The following MAK variants were observed in gnomAD, a reference collection of about 807,000 sequenced individuals.
MAK encodes the protein male germ cell associated kinase.
Under a neutral mutation model 82.6 loss-of-function variants are expected in MAK, and 65 were observed. The ratio of observed to expected loss-of-function variants is 0.79; its 90% CI spans 0.64 to 0.97. The LOEUF (loss-of-function observed/expected upper bound fraction) is 0.97. Among genes scored for constraint, MAK ranks in the 50% least tolerant of loss-of-function variants. The pLI, the probability that MAK is intolerant of heterozygous loss-of-function variation, is 0.00. For synonymous variants in MAK, 250 were observed against 274.2 expected, an observed-to-expected ratio of 0.91 and a Z score of 0.87; for missense variants, 703 against 780.2, an observed-to-expected ratio of 0.90 and a Z score of 1.18.
intron 10 of MAK, among the ~76,000 whole-genome samples, chr6:10,789,813 A>G (rs867651010): frequency 4.6e-5 from 7 of 151,926 alleles, no homozygotes; most frequent in Middle Eastern, 6.8e-3. Flanking sequence ...CCGCCACCAC[A>G]CCCAGCTAAT....
At chr6:10,828,771 G>C (rs1778561083) in intron 2 of MAK, among the ~76,000 whole-genome samples, 2 of 152,092 alleles carry the variant, frequency 1.3e-5, no homozygotes, top group Admixed American at 1.3e-4. Flanking sequence ...CCTCAGCCTG[G>C]GCGACAGAAT....
intron 5 of MAK, among the ~76,000 whole-genome samples, chr6:10,809,642 T>A (rs969566724): frequency 6.6e-6 from 1 of 152,228 alleles, no homozygotes; most frequent in Non-Finnish European, 1.5e-5. Context: ...ACTCCACACA[T>A]CAGAACTAAT....
intron 4 of MAK, among the ~76,000 whole-genome samples, chr6:10,813,974 T>A (rs1349098521): frequency 1.3e-5 from 2 of 152,188 alleles, no homozygotes; most frequent in African/African-American, 2.4e-5. Flanking sequence ...AGCTAATTTT[T>A]TTTTTTCTTT....
intron 6 of MAK, among the ~76,000 whole-genome samples, chr6:10,806,460 C>G (rs1776464011): frequency 6.6e-6 from 1 of 151,220 alleles, no homozygotes; most frequent in Admixed American, 6.6e-5. Flanking sequence ...TCCCAAGTAG[C>G]TGGGACTAGC....
At chr6:10,792,986 GAAC>G (rs1203847729) in intron 9 of MAK, among the ~76,000 whole-genome samples, 1 of 152,122 alleles carries the variant, frequency 6.6e-6, no homozygotes, top group African/African-American at 2.4e-5. Flanking sequence ...GAACACTGCT[GAAC>G]AATATCAGTG....
At chr6:10,774,595 A>G (rs1464941980) in intron 12 of MAK, among the ~76,000 whole-genome samples, 1 of 152,194 alleles carries the variant, frequency 6.6e-6, no homozygotes, top group Non-Finnish European at 1.5e-5. Context: ...AAATTCATAT[A>G]CTGATCTCAT....
At chr6:10,833,809 C>T (rs1778979609) in intron 1 of MAK, among the ~76,000 whole-genome samples, 1 of 151,994 alleles carries the variant, frequency 6.6e-6, no homozygotes, top group African/African-American at 2.4e-5. Flanking sequence ...TCAGATTAAG[C>T]CCGAGCTAAT....
chr6:10,766,222 A>G (rs899213157), intron 14 of MAK, among the ~76,000 whole-genome samples: 3 of 152,332 alleles, frequency 2.0e-5, no homozygotes, highest in Admixed American at 2.0e-4. Context: ...AGCCCTAGCT[A>G]TCCCATATTT....
At chr6:10,799,649 G>A (rs182218871) in intron 8 of MAK, among the ~76,000 whole-genome samples, 11 of 152,086 alleles carry the variant, frequency 7.2e-5, no homozygotes, top group South Asian at 2.1e-4. Flanking sequence ...ACACTTAAAC[G>A]GCTGGGCACA....
At position 10,828,081 on chromosome 6, in the gene MAK, T is replaced by G. The variant is rs1006300178; in HGVS notation, c.101+2467A>C. On this transcript the variant is annotated intron_variant, in intron 2 of 14. Coordinates refer to ENST00000354489, the MANE Select transcript of MAK (RefSeq NM_001242957.3). ...AATTTTATTAAGCCTATTCAATTTATTTTTCATTTCCATTATTGTATATTA... is the reference window on the plus strand; with the variant it reads ...AATTTTATTAAGCCTATTCAATTTAGTTTTCATTTCCATTATTGTATATTA... 5.9e-5 allele frequency among the ~76,000 whole-genome samples: 9 copies of G among 152,240 alleles called. No homozygotes were observed. The South Asian group carries it at 8.3e-4, about 14-fold the overall frequency.
Position 10,764,478 on chromosome 6 carries a change from C to T in MAK, c.1921G>A (p.Val641Met), listed in dbSNP as rs567613995. Residue 641 changes from valine (V) to methionine (M), a missense_variant, in exon 15 of 15, where the codon GTG (valine) becomes ATG (methionine). Val to Met is a conservative substitution (Grantham distance 21). Coordinates refer to ENST00000354489, the MANE Select transcript of MAK (RefSeq NM_001242957.3). Reference protein sequence around the residue: ...IPSVHGRTDWVAKYGGHR With the variant: ...IPSVHGRTDWMAKYGGHR The stretch of plus-strand genomic sequence containing the variant: ...TACCGGTGGCCTCCATACTTGGCCA[C>T]CCAGTCTGTCCTCCCATGCACTGAG... 6.2e-7 allele frequency: 1 copy of T among 1,614,046 alleles called. No homozygotes were observed. Among genetic ancestry groups the T allele is most frequent in the South Asian group, 1.1e-5 (1 of 91,080 alleles).
Position 10,791,862 on chromosome 6 carries a change from C to G in MAK, c.1144-15G>C. On this transcript the variant is annotated splice_polypyrimidine_tract_variant and intron_variant, in intron 9 of 14. Transcript: ENST00000354489. Reference sequence around the variant, plus strand: ...CCATTTGGCTTCTGTGGTGGAAAATCAGTCATCATAATCTTTAATCATGTA... The same window carrying G: ...CCATTTGGCTTCTGTGGTGGAAAATGAGTCATCATAATCTTTAATCATGTA... The G allele has an allele frequency of 6.2e-7, 1 of 1,614,016 alleles. No homozygotes were observed. The highest frequency in any genetic ancestry group is 1.1e-5 in the South Asian group (1 of 91,082).
intron 9 of MAK, among the ~76,000 whole-genome samples, chr6:10,794,233 C>A (rs1775320893): frequency 6.6e-6 from 1 of 152,138 alleles, no homozygotes; most frequent in African/African-American, 2.4e-5. Flanking sequence ...AAAGTGGACT[C>A]CCCAGGACCC....
intron 8 of MAK, among the ~76,000 whole-genome samples, chr6:10,798,329 G>C (rs1353423716): frequency 6.6e-6 from 1 of 151,882 alleles, no homozygotes; most frequent in Admixed American, 6.6e-5. Flanking sequence ...TGGTCAGGCC[G>C]GTCTCAAGCT....
intron 8 of MAK, among the ~76,000 whole-genome samples, chr6:10,798,988 C>A (rs953337751): frequency 1.3e-5 from 2 of 151,972 alleles, no homozygotes; most frequent in African/African-American, 4.8e-5. Context: ...TGTCACCATG[C>A]CTAGCTAATT....
intron 1 of MAK, among the ~76,000 whole-genome samples, chr6:10,835,914 TG>T (rs1248523606): frequency 6.6e-6 from 1 of 152,078 alleles, no homozygotes; most frequent in Non-Finnish European, 1.5e-5. Flanking sequence ...CGCCCTGGGG[TG>T]GGAGGGTGAC....
chr6:10,813,756 T>G, intron 4 of MAK, 33 bp from the exon 5 acceptor site: 1 of 1,253,584 alleles, frequency 8.0e-7, no homozygotes. Flanking sequence ...ATAATTCTGT[T>G]AAGCAACCAG....
At chr6:10,772,780 C>T (rs572279903) in intron 13 of MAK, among the ~76,000 whole-genome samples, 1 of 152,112 alleles carries the variant, frequency 6.6e-6, no homozygotes, top group East Asian at 1.9e-4. Context: ...GCTTGATTTC[C>T]TCTATAAATT....
chr6:10,816,179 T>G (rs1561992376), intron 4 of MAK, among the ~76,000 whole-genome samples: 1 of 151,586 alleles, frequency 6.6e-6, no homozygotes, highest in Non-Finnish European at 1.5e-5. Context: ...TCAAGCAATC[T>G]TCTCACCTCA....
Sources: gnomAD v4.1 joint callset for allele counts (sites outside exome capture counted in the v4.1 genomes callset) on GRCh38, gnomAD v4.1.1 for gene constraint, MANE v1.5 for transcripts, NCBI Gene and HGNC (gene_info 2026-07-23, HGNC 2026-07-21) for gene names.